MYO3B: variants seen among roughly 807,000 people sequenced by gnomAD.
MYO3B encodes the protein myosin IIIB.
MYO3B carries 156 observed loss-of-function variants against 174.6 expected under a neutral mutation model. That is an observed-to-expected ratio of 0.89 (90% CI 0.78 to 1.02). The LOEUF (loss-of-function observed/expected upper bound fraction) is 1.02, where lower values mean the gene tolerates loss of function less well. Among genes scored for constraint, MYO3B ranks in the 50% least tolerant of loss-of-function variants. MYO3B has a pLI of 0.00. For missense variants in MYO3B, 1,632 were observed against 1,639.4 expected (o/e 1.00, Z 0.08); for synonymous variants, 563 against 569.1 (o/e 0.99, Z 0.15).
Position 170,514,906 on chromosome 2 carries a change from T to A in MYO3B, c.3371-15T>A, listed in dbSNP as rs767042292. The A allele has an allele frequency of 8.7e-6, 14 of 1,610,460 alleles. No individual in the cohort carries two copies. The South Asian group carries it at 1.3e-4, about 15-fold the overall frequency. On this transcript the variant is annotated splice_polypyrimidine_tract_variant and intron_variant, in intron 28 of 34. Transcript: ENST00000408978. ...GAGCATAACCTTGAGAAAGTCTTTT[T>A]GTTTCATTCCACAGGGGACACTTCA...
chr2:170,310,377 A>G (rs2093729782), intron 7 of MYO3B, among the ~76,000 whole-genome samples: 1 of 152,092 alleles, frequency 6.6e-6, no homozygotes, highest in African/African-American at 2.4e-5. Flanking sequence ...TAAGAAATAC[A>G]CTGGGCTGTG....
At chr2:170,250,336 T>C (rs1166496186) in intron 7 of MYO3B, among the ~76,000 whole-genome samples, 1 of 152,268 alleles carries the variant, frequency 6.6e-6, no homozygotes, top group Non-Finnish European at 1.5e-5. Context: ...TCAACATTTG[T>C]TACTGATGAA....
chr2:170,341,424 T>C (rs2093976102), intron 8 of MYO3B: 1 of 152,266 alleles, frequency 6.6e-6, no homozygotes, highest in Non-Finnish European at 1.5e-5. Context: ...AAAGGGTTAA[T>C]ACTTCCTAGA....
At chr2:170,346,941 A>G (rs1227717019) in intron 8 of MYO3B, among the ~76,000 whole-genome samples, 1 of 152,210 alleles carries the variant, frequency 6.6e-6, no homozygotes, top group Non-Finnish European at 1.5e-5. Context: ...GATCAATTGT[A>G]GCTCATACTT....
chr2:170,383,699 T>G lies in MYO3B; in HGVS notation c.1186-11T>G. On this transcript the variant is annotated splice_polypyrimidine_tract_variant and intron_variant, in intron 11 of 34. Transcript: ENST00000408978. ...CCAGGGGAGAGTTTCCTTTAATTAT[T>G]TTTCCTTCAGTTTTCCAGACTTTAT... is the stretch of plus-strand genomic sequence containing the variant. The G allele has an allele frequency of 6.2e-7, 1 of 1,604,276 alleles. No homozygotes were observed. Among genetic ancestry groups the G allele is most frequent in the Non-Finnish European group, 8.5e-7 (1 of 1,171,064 alleles).
At chr2:170,501,984 G>A in intron 28 of MYO3B, 119 bp downstream of exon 28, 1 of 670,580 alleles carries the variant, frequency 1.5e-6, no homozygotes, top group South Asian at 1.8e-5. Flanking sequence ...CAAGAGTTCT[G>A]GGAGACAGGA....
At chr2:170,268,122 A>G (rs766747212) in intron 7 of MYO3B, among the ~76,000 whole-genome samples, 3 of 152,226 alleles carry the variant, frequency 2.0e-5, no homozygotes, top group Non-Finnish European at 4.4e-5. Flanking sequence ...AGGCAGGAGA[A>G]TCACTTGAAC....
intron 3 of MYO3B, among the ~76,000 whole-genome samples, chr2:170,205,017 C>T (rs1195637996): frequency 6.6e-6 from 1 of 152,102 alleles, no homozygotes; most frequent in Non-Finnish European, 1.5e-5. Flanking sequence ...TGCTGGTGGG[C>T]TTATCAACTT....
At chr2:170,192,681 G>T (rs907459933) in intron 1 of MYO3B, among the ~76,000 whole-genome samples, 1 of 150,904 alleles carries the variant, frequency 6.6e-6, no homozygotes, top group African/African-American at 2.4e-5. Context: ...TTGGTAAAAC[G>T]TTTAATTCTA....
At chr2:170,651,317 C>G (rs1698997223) in intron 32 of MYO3B, among the ~76,000 whole-genome samples, 1 of 152,158 alleles carries the variant, frequency 6.6e-6, no homozygotes, top group Non-Finnish European at 1.5e-5. Context: ...TAAGGGCACC[C>G]TACTCTATAA....
At chr2:170,185,639 C>T (rs1373851944) in intron 1 of MYO3B, among the ~76,000 whole-genome samples, 1 of 152,016 alleles carries the variant, frequency 6.6e-6, no homozygotes, top group Non-Finnish European at 1.5e-5. Context: ...TCTTTTGTGG[C>T]TCCATATACA....
chr2:170,605,733 G>A (rs6738608), intron 32 of MYO3B, among the ~76,000 whole-genome samples: 10,594 of 152,036 alleles, frequency 0.07, 1,214 homozygotes, highest in African/African-American at 0.24. Flanking sequence ...GGTGGCGGGC[G>A]CCTGTAATCC....
intron 6 of MYO3B, among the ~76,000 whole-genome samples, chr2:170,220,176 T>C (rs1415802433): frequency 3.3e-5 from 5 of 152,026 alleles, no homozygotes; most frequent in Non-Finnish European, 7.4e-5. Context: ...AAGAATGGCG[T>C]GAACCCGGAA....
intron 32 of MYO3B, among the ~76,000 whole-genome samples, chr2:170,578,144 G>C (rs1194460322): frequency 6.6e-6 from 1 of 152,222 alleles, no homozygotes. Context: ...TTCATTAGGA[G>C]GAGGTAGAAG....
At chr2:170,400,042 A>T in intron 16 of MYO3B, 146 bp from the exon 17 acceptor site, 1 of 1,017,196 alleles carries the variant, frequency 9.8e-7, no homozygotes, top group East Asian at 2.4e-5. Flanking sequence ...TCTAACTGCA[A>T]AGAAGTTTGG....
chr2:170,345,442 A>G (rs1376332795), intron 8 of MYO3B, among the ~76,000 whole-genome samples: 9 of 152,202 alleles, frequency 5.9e-5, no homozygotes, highest in Non-Finnish European at 1.3e-4. Flanking sequence ...CATAATATTT[A>G]GCTGTCATAC....
chr2:170,295,546 A>G (rs2093623905), intron 7 of MYO3B, among the ~76,000 whole-genome samples: 1 of 152,116 alleles, frequency 6.6e-6, no homozygotes, highest in African/African-American at 2.4e-5. Flanking sequence ...AAATCTCTCA[A>G]TTCATCCATG....
chr2:170,209,644 T>C (rs2092750820), intron 3 of MYO3B, among the ~76,000 whole-genome samples: 1 of 152,116 alleles, frequency 6.6e-6, no homozygotes, highest in African/African-American at 2.4e-5. Flanking sequence ...AAGACAACAA[T>C]TGTTGGGAAT....
At chr2:170,414,027 G>A (rs180784271) in intron 22 of MYO3B, among the ~76,000 whole-genome samples, 71 of 152,088 alleles carry the variant, frequency 4.7e-4, no homozygotes, top group African/African-American at 1.3e-3. Flanking sequence ...GTGACAGAGC[G>A]AGACTCCATC....
Sources: allele counts gnomAD v4.1 joint callset (sites outside exome capture counted in the v4.1 genomes callset), GRCh38; gene constraint gnomAD v4.1.1; transcripts MANE v1.5; gene names NCBI Gene and HGNC (gene_info 2026-07-23, HGNC 2026-07-21).